The following CTNNA2 variants were observed in gnomAD, a reference collection of about 807,000 sequenced individuals.
CTNNA2 encodes catenin alpha 2, also known as catenin alpha-2.
CTNNA2 carries 42 observed loss-of-function variants against 101.0 expected under a neutral mutation model. The observed-to-expected ratio is 0.42, with a 90% CI of 0.32 to 0.54. CTNNA2 has a LOEUF of 0.54. CTNNA2 is among the 20% of genes least tolerant of loss of function. The probability of loss-of-function intolerance (pLI) is 0.14; values close to 1 mark genes in which losing one functional copy is unlikely to be tolerated. For synonymous variants in CTNNA2, 450 were observed against 456.4 expected, an observed-to-expected ratio of 0.99 and a Z score of 0.18; for missense variants, 871 against 1,223.1, an observed-to-expected ratio of 0.71 and a Z score of 4.29.
intron 7 of CTNNA2, among the ~76,000 whole-genome samples, chr2:80,144,928 C>T (rs751408694): frequency 2.0e-5 from 3 of 152,054 alleles, no homozygotes; most frequent in African/African-American, 4.8e-5. Context: ...CATCATCCCT[C>T]GCCTCTACCC....
intron 7 of CTNNA2, among the ~76,000 whole-genome samples, chr2:80,334,564 A>T (rs1300595564): frequency 6.6e-6 from 1 of 152,226 alleles, no homozygotes; most frequent in Admixed American, 6.5e-5. Context: ...AAACCAAGAT[A>T]TAAAGTCACC....
intron 7 of CTNNA2, among the ~76,000 whole-genome samples, chr2:80,253,942 A>T (rs1454546691): frequency 6.6e-6 from 1 of 152,130 alleles, no homozygotes; most frequent in Non-Finnish European, 1.5e-5. Context: ...AGAGCATATA[A>T]ATAAGTAAGA....
chr2:80,024,881 A>G (rs940340741), intron 7 of CTNNA2, among the ~76,000 whole-genome samples: 36 of 152,302 alleles, frequency 2.4e-4, no homozygotes, highest in African/African-American at 8.7e-4. Context: ...TCTGGTGTCC[A>G]GGAAGAATTA....
intron 3 of CTNNA2, among the ~76,000 whole-genome samples, chr2:79,322,694 A>G (rs1676653179): frequency 6.6e-6 from 1 of 152,172 alleles, no homozygotes. Flanking sequence ...GCTCCATTCA[A>G]TTCTCATGGT....
intron 4 of CTNNA2, among the ~76,000 whole-genome samples, chr2:79,445,407 T>C (rs1678822174): frequency 6.6e-6 from 1 of 152,196 alleles, no homozygotes; most frequent in South Asian, 2.1e-4. Flanking sequence ...GAACCTCCCA[T>C]AGTTTCTTCT....
At chr2:80,588,930 T>G (rs1418813370) in intron 14 of CTNNA2, among the ~76,000 whole-genome samples, 1 of 152,220 alleles carries the variant, frequency 6.6e-6, no homozygotes, top group Non-Finnish European at 1.5e-5. Context: ...TGAACAGATT[T>G]CAGTGTTGAA....
intron 1 of CTNNA2, among the ~76,000 whole-genome samples, chr2:79,194,305 G>A (rs1673929899): frequency 6.6e-6 from 1 of 152,060 alleles, no homozygotes; most frequent in Admixed American, 6.6e-5. Flanking sequence ...GTCTTTCAAG[G>A]GATTGCAAGA....
At chr2:80,162,985 T>C in intron 7 of CTNNA2, 1 of 1,549,450 alleles carries the variant, frequency 6.5e-7, no homozygotes, top group Non-Finnish European at 8.9e-7. Context: ...GCATGACTAC[T>C]TCCTGATCTA....
chr2:79,378,738 C>G (rs999937906), intron 4 of CTNNA2, among the ~76,000 whole-genome samples: 2 of 152,064 alleles, frequency 1.3e-5, no homozygotes, highest in Admixed American at 1.3e-4. Flanking sequence ...GCAGAATGCC[C>G]AAATAACCAT....
chr2:80,319,365 G>A (rs1217927091), intron 7 of CTNNA2, among the ~76,000 whole-genome samples: 2 of 152,034 alleles, frequency 1.3e-5, no homozygotes, highest in South Asian at 2.1e-4. Flanking sequence ...TCAACAAAAC[G>A]AGACTGGCAT....
At chr2:79,954,278 G>C (rs943610943) in intron 7 of CTNNA2, among the ~76,000 whole-genome samples, 4 of 152,198 alleles carry the variant, frequency 2.6e-5, no homozygotes, top group Non-Finnish European at 5.9e-5. Context: ...TTCGAGATGA[G>C]AGTTGGGTGG....
intron 2 of CTNNA2, chr2:79,293,349 G>T (rs945938253): frequency 2.0e-5 from 3 of 152,138 alleles, no homozygotes; most frequent in Non-Finnish European, 4.4e-5. Context: ...TAAACTGGCT[G>T]CTTAGTTTCT....
intron 7 of CTNNA2, among the ~76,000 whole-genome samples, chr2:80,142,054 T>C (rs1305303488): frequency 6.6e-5 from 10 of 152,086 alleles, no homozygotes; most frequent in Admixed American, 3.9e-4. Flanking sequence ...GGAGGTCAGA[T>C]GTAATATTCT....
At chr2:79,680,675 G>A (rs1485839378) in intron 2 of CTNNA2, among the ~76,000 whole-genome samples, 2 of 152,176 alleles carry the variant, frequency 1.3e-5, no homozygotes, top group South Asian at 2.1e-4. Flanking sequence ...TGATTCAAAA[G>A]AGTTCCAGGG....
chr2:80,584,537 A>G (rs1465949019), intron 14 of CTNNA2, among the ~76,000 whole-genome samples: 3 of 151,926 alleles, frequency 2.0e-5, no homozygotes, highest in African/African-American at 7.3e-5. Flanking sequence ...GACATGACAT[A>G]ATATAAACTG....
chr2:79,361,146 A>G (rs928144922), intron 3 of CTNNA2, among the ~76,000 whole-genome samples: 2 of 152,178 alleles, frequency 1.3e-5, no homozygotes, highest in African/African-American at 4.8e-5. Context: ...TCTTGATCCT[A>G]TATTGAGATC....
At chr2:80,250,891 C>T (rs1426259847) in intron 7 of CTNNA2, among the ~76,000 whole-genome samples, 2 of 152,034 alleles carry the variant, frequency 1.3e-5, no homozygotes, top group Non-Finnish European at 2.9e-5. Flanking sequence ...GCTATGCATA[C>T]TATGATATTG....
chr2:79,783,729 T>G (rs1373265102), intron 3 of CTNNA2, among the ~76,000 whole-genome samples: 1 of 152,196 alleles, frequency 6.6e-6, no homozygotes, highest in Non-Finnish European at 1.5e-5. Flanking sequence ...ACATGTATCT[T>G]CTCAAAATGC....
chr2:79,563,034 A>G (rs1674877589), intron 1 of CTNNA2, among the ~76,000 whole-genome samples: 1 of 151,956 alleles, frequency 6.6e-6, no homozygotes, highest in Non-Finnish European at 1.5e-5. Flanking sequence ...GAAGGTGTGT[A>G]TTCATGGCAT....
Sources: allele counts gnomAD v4.1 joint callset (sites outside exome capture counted in the v4.1 genomes callset), GRCh38; gene constraint gnomAD v4.1.1; transcripts MANE v1.5; gene names NCBI Gene and HGNC (gene_info 2026-07-23, HGNC 2026-07-21).